Variants in GLRA3 observed in about 807,000 individuals in gnomAD.
The protein encoded by GLRA3 is glycine receptor alpha 3, also known as glycine receptor subunit alpha-3.
GLRA3 carries 44 observed loss-of-function variants against 60.4 expected under a neutral mutation model. The observed-to-expected ratio is 0.73, with a 90% confidence interval of 0.57 to 0.94. GLRA3 has a LOEUF of 0.94. Among genes scored for constraint, GLRA3 ranks in the 40% least tolerant of loss-of-function variants. GLRA3 has a pLI of 0.00. For missense variants in GLRA3, 508 were observed against 564.6 expected, an observed-to-expected ratio of 0.90 and a Z score of 1.02; for synonymous variants, 223 against 192.9, an observed-to-expected ratio of 1.16 and a Z score of -1.29.
chr4:174,670,395 A>G (rs1177251046), intron 7 of GLRA3, among the ~76,000 whole-genome samples: 1 of 151,964 alleles, frequency 6.6e-6, no homozygotes, highest in East Asian at 1.9e-4. Context: ...TGTTTGTTTT[A>G]CTCTGATTTT....
chr4:174,775,648 T>C (rs1561110471), intron 2 of GLRA3, among the ~76,000 whole-genome samples: 1 of 152,120 alleles, frequency 6.6e-6, no homozygotes, highest in Non-Finnish European at 1.5e-5. Flanking sequence ...AAGAAAGAAG[T>C]AAAATCCAGC....
intron 6 of GLRA3, among the ~76,000 whole-genome samples, chr4:174,678,349 T>A (rs1579431199): frequency 6.6e-6 from 1 of 152,312 alleles, no homozygotes; most frequent in East Asian, 1.9e-4. Context: ...TTTATAAAAA[T>A]TGTTCTTCTA....
intron 5 of GLRA3, chr4:174,713,907 T>C (rs1343480772): frequency 1.3e-5 from 2 of 152,272 alleles, no homozygotes; most frequent in Non-Finnish European, 2.9e-5. Context: ...CATATTAAGA[T>C]GGATTTTATC....
At chr4:174,688,464 A>T (rs1734645253) in intron 5 of GLRA3, among the ~76,000 whole-genome samples, 1 of 149,788 alleles carries the variant, frequency 6.7e-6, no homozygotes, top group African/African-American at 2.5e-5. Flanking sequence ...GCAGAGACTT[A>T]TTCTGTTTTA....
At chr4:174,645,220 T>G (rs1051702078) in intron 9 of GLRA3, among the ~76,000 whole-genome samples, 2 of 152,004 alleles carry the variant, frequency 1.3e-5, no homozygotes, top group Admixed American at 6.6e-5. Flanking sequence ...GAGACCATCT[T>G]GGACAGTATG....
chr4:174,730,400 T>C (rs886881433), intron 3 of GLRA3, among the ~76,000 whole-genome samples: 5 of 152,106 alleles, frequency 3.3e-5, no homozygotes, highest in African/African-American at 1.2e-4. Flanking sequence ...CTGAACAAGG[T>C]CAAGTTATAA....
intron 7 of GLRA3, among the ~76,000 whole-genome samples, chr4:174,675,190 T>C (rs980312755): frequency 1.1e-4 from 17 of 152,282 alleles, no homozygotes; most frequent in African/African-American, 3.8e-4. Flanking sequence ...ATCAGAGAGA[T>C]AGACTTTGTA....
chr4:174,769,257 C>A (rs1361406649), intron 2 of GLRA3, among the ~76,000 whole-genome samples: 1 of 151,940 alleles, frequency 6.6e-6, no homozygotes, highest in Admixed American at 6.6e-5. Context: ...CTAACATAAG[C>A]CTTTTTTCTG....
chr4:174,688,020 C>G (rs534612933), intron 5 of GLRA3, among the ~76,000 whole-genome samples: 1 of 151,334 alleles, frequency 6.6e-6, no homozygotes, highest in South Asian at 2.1e-4. Flanking sequence ...AAACGAAAAC[C>G]CTCTCATTCT....
intron 6 of GLRA3, among the ~76,000 whole-genome samples, chr4:174,680,466 T>C (rs921094891): frequency 6.6e-5 from 10 of 152,296 alleles, no homozygotes; most frequent in African/African-American, 9.6e-5. Flanking sequence ...TATTGTTACA[T>C]ATGGATGTTT....
chr4:174,793,506 G>T (rs922614829), intron 1 of GLRA3, among the ~76,000 whole-genome samples: 2 of 151,570 alleles, frequency 1.3e-5, no homozygotes, highest in African/African-American at 4.9e-5. Flanking sequence ...AGGCTGGAGT[G>T]CAGCAGCACA....
intron 7 of GLRA3, among the ~76,000 whole-genome samples, chr4:174,676,172 C>A (rs1448343298): frequency 6.6e-6 from 1 of 152,058 alleles, no homozygotes; most frequent in East Asian, 1.9e-4. Context: ...TTCACTATAT[C>A]TTATGCAAAG....
At chr4:174,692,175 G>A (rs1734852680) in intron 5 of GLRA3, among the ~76,000 whole-genome samples, 1 of 151,946 alleles carries the variant, frequency 6.6e-6, no homozygotes. Context: ...TGTCTGGGAA[G>A]TGAGGAGCGT....
chr4:174,660,041 T>C (rs763237137), intron 7 of GLRA3, among the ~76,000 whole-genome samples: 2 of 151,944 alleles, frequency 1.3e-5, no homozygotes, highest in African/African-American at 4.8e-5. Context: ...CATTTATTGT[T>C]GTGTGTGTAT....
Position 174,782,642 on chromosome 4 carries a change from A to G in GLRA3, c.199+6174T>C, listed in dbSNP as rs539861807. 4.6e-3 allele frequency among the ~76,000 whole-genome samples: 693 copies of G among 152,300 alleles called. 2 individuals are homozygous for G. The highest frequency in any genetic ancestry group is 0.016 in the African/African-American group (669 of 41,550). On this transcript the variant is annotated intron_variant, in intron 2 of 9. Transcript: ENST00000274093. The stretch of plus-strand genomic sequence containing the variant: ...AAGTCTCAGGATACAATATCAATGT[A>G]CAAAAATCACAAGCATTCTTATACA...
intron 3 of GLRA3, among the ~76,000 whole-genome samples, chr4:174,760,683 C>G (rs1737906337): frequency 6.6e-6 from 1 of 152,080 alleles, no homozygotes; most frequent in African/African-American, 2.4e-5. Flanking sequence ...ACCCTGCCGG[C>G]TAATTCTTGT....
Position 174,716,778 on chromosome 4 carries a change from T to C in GLRA3, c.492-1208A>G, listed in dbSNP as rs73004530. ...AGTGCTTAGACAAGTGCTTAAGCCA[T>C]AGCAAACACTCAACAAACAGTGGTT... On this transcript the variant is annotated intron_variant, in intron 4 of 9. Coordinates refer to ENST00000274093, the MANE Select transcript of GLRA3 (RefSeq NM_006529.4). Among the ~76,000 whole-genome samples, 762 of 152,256 alleles carry C rather than the reference T, an allele frequency of 5.0e-3. 6 individuals are homozygous for C. The highest frequency in any genetic ancestry group is 0.017 in the African/African-American group (702 of 41,544).
At chr4:174,716,740 G>A (rs1735932740) in intron 4 of GLRA3, among the ~76,000 whole-genome samples, 1 of 152,068 alleles carries the variant, frequency 6.6e-6, no homozygotes, top group South Asian at 2.1e-4. Flanking sequence ...CAGTACATGC[G>A]TTAACACACA....
chr4:174,693,014 C>T (rs1329737442), intron 5 of GLRA3, among the ~76,000 whole-genome samples: 2 of 150,548 alleles, frequency 1.3e-5, no homozygotes, highest in Non-Finnish European at 3.0e-5. Flanking sequence ...TGTGTGTTCT[C>T]TTATTGTAAA....
Sources: gnomAD v4.1 joint callset for allele counts (sites outside exome capture counted in the v4.1 genomes callset) on GRCh38, gnomAD v4.1.1 for gene constraint, MANE v1.5 for transcripts, NCBI Gene and HGNC (gene_info 2026-07-23, HGNC 2026-07-21) for gene names.